ZNF362: variants seen among roughly 807,000 people sequenced by gnomAD.
ZNF362 encodes zinc finger protein 362.
A neutral mutation model predicts 42.9 loss-of-function variants in ZNF362; 11 were observed. That is an observed-to-expected ratio of 0.26 (90% CI 0.16 to 0.42). The LOEUF (loss-of-function observed/expected upper bound fraction) is 0.42, where lower values mean the gene tolerates loss of function less well. ZNF362 is among the 20% of genes least tolerant of loss of function. The probability of loss-of-function intolerance (pLI) is 1.00; values close to 1 mark genes in which losing one functional copy is unlikely to be tolerated. For synonymous variants in ZNF362, 255 were observed against 257.3 expected, an observed-to-expected ratio of 0.99 and a Z score of 0.09; for missense variants, 362 against 576.2, an observed-to-expected ratio of 0.63 and a Z score of 3.81.
the ZNF362 span, among the ~76,000 whole-genome samples, chr1:33,241,807 C>T: frequency 2.0e-5 from 3 of 152,262 alleles, no homozygotes; most frequent in Admixed American, 6.5e-5. Flanking sequence ...AACTCCTGGC[C>T]TGGAGCCATC....
At chr1:33,199,332 T>C in the ZNF362 span, among the ~76,000 whole-genome samples, 1 of 148,216 alleles carries the variant, frequency 6.7e-6, no homozygotes, top group Non-Finnish European at 1.5e-5. Flanking sequence ...GATTTTTTTT[T>C]ATTATAAACA....
At chr1:33,240,815 T>C in the ZNF362 span, among the ~76,000 whole-genome samples, 1 of 152,190 alleles carries the variant, frequency 6.6e-6, no homozygotes, top group African/African-American at 2.4e-5. Context: ...TGACATTCTA[T>C]GTGATTACCT....
At chr1:33,232,209 G>A in the ZNF362 span, among the ~76,000 whole-genome samples, 1 of 152,178 alleles carries the variant, frequency 6.6e-6, no homozygotes, top group East Asian at 1.9e-4. Context: ...CTAAGGGGAA[G>A]TCTGATGAAG....
At chr1:33,181,842 G>T in the ZNF362 span, among the ~76,000 whole-genome samples, 1 of 151,514 alleles carries the variant, frequency 6.6e-6, no homozygotes, top group Non-Finnish European at 1.5e-5. The surrounding 1 kb of genome is among the most constrained non-coding windows in gnomAD (Gnocchi z 6.5). Context: ...GGCGGTGCGG[G>T]GAGGGCGAGA....
chr1:33,244,641 T>C, the ZNF362 span, among the ~76,000 whole-genome samples: 2 of 152,186 alleles, frequency 1.3e-5, no homozygotes, highest in Non-Finnish European at 2.9e-5. This position sits in a 1 kb window ranked among gnomAD's most constrained non-coding sequence, Gnocchi z 4.0. Flanking sequence ...AGGTGACAGT[T>C]ACAGAGTTGC....
At chr1:33,139,393 G>T in the ZNF362 span, among the ~76,000 whole-genome samples, 1 of 152,156 alleles carries the variant, frequency 6.6e-6, no homozygotes, top group Non-Finnish European at 1.5e-5. Context: ...CATAGGACAG[G>T]ATCCCCATCT....
upstream of ZNF362, among the ~76,000 whole-genome samples, chr1:33,252,071 G>A (rs1396698673): frequency 1.3e-5 from 2 of 152,208 alleles, no homozygotes; most frequent in Non-Finnish European, 2.9e-5. Context: ...ATCCATTCTC[G>A]GCTGGGCGTG....
Position 33,297,511 on chromosome 1 carries a change from C to CTTT in ZNF362, c.1147-1418_1147-1417insTTT, listed in dbSNP as rs776504622. Among the ~76,000 whole-genome samples the CTTT allele has an allele frequency of 7.2e-4, 57 of 78,866 alleles. 2 individuals carry two copies. The highest frequency in any genetic ancestry group is 1.6e-3 in the East Asian group (5 of 3,120). The allele number at this position is 78,866 out of a possible 152,430, so 51.7% of individuals were successfully genotyped here. ...ATGATTTGGTGTATTTACATGATTC[C>CTTT]TCTTTTTTTTTTTTTTTTTGAGACG... On this transcript the variant is annotated intron_variant, in intron 8 of 8. Coordinates refer to ENST00000539719, the MANE Select transcript of ZNF362 (RefSeq NM_152493.3).
At chr1:33,247,156 CT>C in the ZNF362 span, among the ~76,000 whole-genome samples, 2 of 152,020 alleles carry the variant, frequency 1.3e-5, no homozygotes, top group Non-Finnish European at 2.9e-5. Flanking sequence ...CCATTTTTTT[CT>C]GTTTATTTGC....
At chr1:33,296,094 T>C (rs1156724575) in intron 8 of ZNF362, among the ~76,000 whole-genome samples, 3 of 152,184 alleles carry the variant, frequency 2.0e-5, no homozygotes, top group Non-Finnish European at 4.4e-5. Flanking sequence ...TGGAGACAAG[T>C]ATTAAACAAG....
the ZNF362 span, chr1:33,200,033 CAAACA>C: frequency 1.0e-3 from 153 of 152,364 alleles, no homozygotes; most frequent in African/African-American, 3.5e-3. Context: ...ACAAAACAAA[CAAACA>C]AAACAAAACA....
At chr1:33,268,690 G>A (rs1193279913) in intron 1 of ZNF362, among the ~76,000 whole-genome samples, 1 of 152,188 alleles carries the variant, frequency 6.6e-6, no homozygotes, top group East Asian at 1.9e-4. Flanking sequence ...TGCAGCCTGT[G>A]GAAGGTGAGA....
the ZNF362 span, chr1:33,180,953 T>TGGGG: frequency 2.8e-6 from 2 of 724,324 alleles, no homozygotes; most frequent in Non-Finnish European, 3.9e-6. Context: ...GGTCCAGCCC[T>TGGGG]GACCCCACCC....
intron 1 of ZNF362, among the ~76,000 whole-genome samples, chr1:33,268,586 G>A (rs896397707): frequency 2.0e-5 from 3 of 152,194 alleles, no homozygotes; most frequent in African/African-American, 7.2e-5. Context: ...GTCCCCGATT[G>A]CTTCCAGGAA....
At position 33,293,653 on chromosome 1, in the gene ZNF362, G is replaced by A. The variant is rs553656920; in HGVS notation, c.909-1284G>A. On this transcript the variant is annotated intron_variant, in intron 6 of 8. Transcript: ENST00000539719. The stretch of plus-strand genomic sequence containing the variant: ...TTCCTCAACAAATTAGGCAAACAAG[G>A]TGCAGGCCCAGCTGGCATTTCATTG... 8.5e-5 allele frequency among the ~76,000 whole-genome samples: 13 copies of A among 152,342 alleles called. No homozygotes were observed. In the South Asian group the frequency reaches 2.5e-3, roughly 29 times the overall value.
chr1:33,224,730 C>T, the ZNF362 span, among the ~76,000 whole-genome samples: 2 of 152,008 alleles, frequency 1.3e-5, no homozygotes, highest in Non-Finnish European at 2.9e-5. Context: ...AGGGCAGATG[C>T]AATATTTGAA....
chr1:33,192,254 C>G, the ZNF362 span, among the ~76,000 whole-genome samples: 1 of 152,190 alleles, frequency 6.6e-6, no homozygotes, highest in South Asian at 2.1e-4. Context: ...CCACATCTCT[C>G]AGATGTTAGA....
chr1:33,232,698 C>T, the ZNF362 span, among the ~76,000 whole-genome samples: 8 of 152,162 alleles, frequency 5.3e-5, no homozygotes, highest in East Asian at 1.9e-4. Flanking sequence ...ATTAAGCCAC[C>T]GAATTTCCAA....
At chr1:33,133,569 G>A in the ZNF362 span, among the ~76,000 whole-genome samples, 2 of 152,206 alleles carry the variant, frequency 1.3e-5, no homozygotes, top group Admixed American at 6.5e-5. Flanking sequence ...GAGCAGGGCC[G>A]GGATGGTGAT....
Sources: allele counts gnomAD v4.1 joint callset (sites outside exome capture counted in the v4.1 genomes callset), GRCh38; gene constraint gnomAD v4.1.1; non-coding constraint Gnocchi (gnomAD v3.1); transcripts MANE v1.5; gene names NCBI Gene and HGNC (gene_info 2026-07-23, HGNC 2026-07-21).